Variants in AP3S2 observed in about 807,000 individuals in gnomAD.
AP3S2 encodes the protein AP-3 complex subunit sigma-2.
Under a neutral mutation model 23.4 loss-of-function variants are expected in AP3S2, and 22 were observed. The ratio of observed to expected loss-of-function variants is 0.94; its 90% CI spans 0.67 to 1.34. The LOEUF (loss-of-function observed/expected upper bound fraction) is 1.34, where lower values mean the gene tolerates loss of function less well. AP3S2 is among the 40% of genes most tolerant of loss of function. AP3S2 has a pLI of 0.00. For synonymous variants in AP3S2, 86 were observed against 87.1 expected, an observed-to-expected ratio of 0.99 and a Z score of 0.07; for missense variants, 241 against 236.9, an observed-to-expected ratio of 1.02 and a Z score of -0.11.
At chr15:89,867,949 C>T (rs1178770151) in intron 4 of AP3S2, among the ~76,000 whole-genome samples, 2 of 148,442 alleles carry the variant, frequency 1.3e-5, no homozygotes, top group Non-Finnish European at 3.0e-5. Context: ...ACCCGGCCAG[C>T]CGCCCCATCC....
chr15:89,874,753 G>C (rs1315171941), intron 3 of AP3S2, among the ~76,000 whole-genome samples: 1 of 152,184 alleles, frequency 6.6e-6, no homozygotes, highest in Non-Finnish European at 1.5e-5. Flanking sequence ...CTGCATTCCA[G>C]CCTGAGTGAC....
At chr15:89,853,351 T>C (rs1346766496) in intron 4 of AP3S2, among the ~76,000 whole-genome samples, 1 of 152,246 alleles carries the variant, frequency 6.6e-6, no homozygotes, top group African/African-American at 2.4e-5. Context: ...AATTGAATGG[T>C]GGATATTACT....
At chr15:89,868,896 G>A (rs1198667650) in intron 4 of AP3S2, among the ~76,000 whole-genome samples, 3 of 144,338 alleles carry the variant, frequency 2.1e-5, no homozygotes, top group Admixed American at 1.3e-4. Context: ...GCCCCTACTG[G>A]GAAGTGAGGA....
In AP3S2 at chr15:89,835,533, G is replaced by A. The variant is rs150664928; in HGVS notation, c.564C>T (p.Asn188=). The change falls in exon 6 of 6, where the codon AAC becomes AAT. Residue 188 remains asparagine, a synonymous_variant. Coordinates refer to ENST00000336418, the MANE Select transcript of AP3S2 (RefSeq NM_005829.5). The part of the protein sequence containing the change: ...NIGDLNIKVP[N]LSQFV ...TTGATCCTCAGACAAACTGGGACAG[G>A]TTGGGAACTTTGATGTTGAGATCGC... 136 of 1,613,924 alleles carry A rather than the reference G, an allele frequency of 8.4e-5. 1 individual carries two copies. In the Admixed American group the frequency reaches 2.2e-3, roughly 26 times the overall value.
chr15:89,846,779 G>A (rs1018954282), intron 4 of AP3S2, among the ~76,000 whole-genome samples: 35 of 152,172 alleles, frequency 2.3e-4, no homozygotes, highest in Non-Finnish European at 4.1e-4. Context: ...GCCTGCCTCG[G>A]CCTCCCAAAG....
chr15:89,839,553 C>T (rs1470789201), intron 4 of AP3S2, among the ~76,000 whole-genome samples: 1 of 152,114 alleles, frequency 6.6e-6, no homozygotes, highest in African/African-American at 2.4e-5. Context: ...GGGGGAATTC[C>T]ACTGTTTATA....
intron 3 of AP3S2, chr15:89,876,682 A>T (rs571839048): frequency 4.6e-5 from 7 of 153,438 alleles, no homozygotes; most frequent in Admixed American, 6.5e-5. Context: ...AGGATGCATA[A>T]GAAGCTTTAG....
chr15:89,842,922 T>A (rs1415680638), intron 4 of AP3S2, among the ~76,000 whole-genome samples: 1 of 151,718 alleles, frequency 6.6e-6, no homozygotes, highest in Non-Finnish European at 1.5e-5. Context: ...ACTCAAGGAC[T>A]TTATACCCAG....
At chr15:89,865,489 ACT>A (rs1408376959) in intron 4 of AP3S2, 1 of 152,176 alleles carries the variant, frequency 6.6e-6, no homozygotes, top group Non-Finnish European at 1.5e-5. Flanking sequence ...CACTGGGAAC[ACT>A]CACCCCCGAT....
chr15:89,850,212 T>C (rs1895611802), intron 4 of AP3S2, among the ~76,000 whole-genome samples: 1 of 152,224 alleles, frequency 6.6e-6, no homozygotes, highest in South Asian at 2.1e-4. Flanking sequence ...TATGAACTGT[T>C]TGATCTTCAG....
Position 89,871,479 on chromosome 15 carries a change from T to G in AP3S2, c.341A>C (p.Asp114Ala). The stretch of plus-strand genomic sequence containing the variant: ...GAGAACTGCAAGAGAATATACCTTA[T>G]CCATATGGAAGATCAAATCCAATTC... The part of the protein sequence containing the change: ...VCELDLIFHM[D>A]KVHYILQEVV... The change falls in exon 4 of 6, where the codon GAT (aspartate) becomes GCT (alanine). Residue 114 changes from aspartate (D) to alanine (A), a missense_variant. By Grantham distance (126) the Asp-to-Ala change is moderately radical (BLOSUM62 -2). Coordinates refer to ENST00000336418, the MANE Select transcript of AP3S2 (RefSeq NM_005829.5). The G allele has an allele frequency of 6.2e-7, 1 of 1,613,458 alleles. No individual in the cohort carries two copies. Among genetic ancestry groups the G allele is most frequent in the African/African-American group, 1.3e-5 (1 of 74,992 alleles).
chr15:89,891,810 A>G (rs1312794608), intron 1 of AP3S2, among the ~76,000 whole-genome samples: 1 of 152,184 alleles, frequency 6.6e-6, no homozygotes, highest in Non-Finnish European at 1.5e-5. Context: ...AGCCACTTGG[A>G]AAATTTGTCA....
At chr15:89,884,637 C>T (rs1020467211) in intron 3 of AP3S2, among the ~76,000 whole-genome samples, 5 of 150,862 alleles carry the variant, frequency 3.3e-5, no homozygotes, top group Non-Finnish European at 7.4e-5. Flanking sequence ...CAATATTTGA[C>T]GAACATCTTC....
intron 4 of AP3S2, among the ~76,000 whole-genome samples, chr15:89,855,772 C>T (rs892797754): frequency 2.2e-4 from 32 of 144,590 alleles, no homozygotes; most frequent in Non-Finnish European, 4.2e-4. Context: ...ATTGCTTGAA[C>T]CCAGGAGGCA....
chr15:89,872,124 AAAAAAG>A (rs1383012988), intron 3 of AP3S2, among the ~76,000 whole-genome samples: 1 of 151,614 alleles, frequency 6.6e-6, no homozygotes, highest in African/African-American at 2.4e-5. Flanking sequence ...CTCAAAAAAA[AAAAAAG>A]AAAAAAGAAA....
At chr15:89,860,361 GAAGT>G (rs1391124745) in intron 4 of AP3S2, among the ~76,000 whole-genome samples, 1 of 152,132 alleles carries the variant, frequency 6.6e-6, no homozygotes, top group Non-Finnish European at 1.5e-5. Context: ...GGGCCATTAT[GAAGT>G]AAAATAAAGG....
chr15:89,867,890 G>GCCCGGCAGCCACCCCGT (rs1426078077), intron 4 of AP3S2, among the ~76,000 whole-genome samples: 5 of 128,838 alleles, frequency 3.9e-5, no homozygotes, highest in Non-Finnish European at 3.5e-5. Flanking sequence ...GAGCGGCTCC[G>GCCCGGCAGCCACCCCGT]CCCGGCAGCC....
intron 4 of AP3S2, among the ~76,000 whole-genome samples, chr15:89,842,206 A>G (rs1232519446): frequency 6.6e-6 from 1 of 152,198 alleles, no homozygotes; most frequent in East Asian, 1.9e-4. Context: ...AATGGAAAAA[A>G]AAAATGAAAC....
intron 4 of AP3S2, among the ~76,000 whole-genome samples, chr15:89,840,407 A>G (rs1330656376): frequency 1.3e-5 from 2 of 152,100 alleles, no homozygotes; most frequent in African/African-American, 4.8e-5. Flanking sequence ...GGTAGGTAAT[A>G]TAATCTTCAC....
Sources: allele counts gnomAD v4.1 joint callset (sites outside exome capture counted in the v4.1 genomes callset), GRCh38; gene constraint gnomAD v4.1.1; transcripts MANE v1.5; gene names NCBI Gene and HGNC (gene_info 2026-07-23, HGNC 2026-07-21).